LHPP: variants seen among roughly 807,000 people sequenced by gnomAD.
LHPP encodes the protein phospholysine phosphohistidine inorganic pyrophosphate phosphatase, also known as hLHPP.
A neutral mutation model predicts 30.3 loss-of-function variants in LHPP; 24 were observed. That is an observed-to-expected ratio of 0.79 (90% CI 0.57 to 1.11). LHPP has a LOEUF of 1.11. Ranked by LOEUF, LHPP falls within the 50% of genes most tolerant of loss-of-function variation. The probability of loss-of-function intolerance (pLI) is 0.00; values close to 1 mark genes in which losing one functional copy is unlikely to be tolerated. For missense variants in LHPP, 356 were observed against 367.2 expected, an observed-to-expected ratio of 0.97 and a Z score of 0.25; for synonymous variants, 150 against 157.1, an observed-to-expected ratio of 0.95 and a Z score of 0.34.
rs10901769 is a variant in LHPP, at chr10:124,575,742, G to A, written c.717-37522G>A. Among the ~76,000 whole-genome samples, 565 of 152,026 alleles carry A rather than the reference G, an allele frequency of 3.7e-3. 3 individuals carry two copies. Among genetic ancestry groups the A allele is most frequent in the Middle Eastern group, 0.01 (3 of 294 alleles). On this transcript the variant is annotated intron_variant, in intron 6 of 6. Transcript: ENST00000368842. ...CCTGGACCCACTGCCACTGCGTCAC[G>A]TGGTCGGATCTGTGTCCCCTGCACT...
chr10:124,573,504 T>A (rs990735347), intron 6 of LHPP, among the ~76,000 whole-genome samples: 18 of 152,268 alleles, frequency 1.2e-4, no homozygotes, highest in African/African-American at 3.4e-4. Flanking sequence ...AGAGACAGGG[T>A]CTCACTGTGT....
At chr10:124,484,760 G>A (rs974963424) in intron 2 of LHPP, among the ~76,000 whole-genome samples, 1 of 152,038 alleles carries the variant, frequency 6.6e-6, no homozygotes, top group African/African-American at 2.4e-5. Flanking sequence ...AGCTTCTAAC[G>A]TCTGGCACCA....
At chr10:124,594,920 C>T (rs894036288) in intron 6 of LHPP, among the ~76,000 whole-genome samples, 2 of 152,148 alleles carry the variant, frequency 1.3e-5, no homozygotes, top group African/African-American at 2.4e-5. Context: ...CATGAGCCAC[C>T]GCACCCAGCC....
chr10:124,605,037 G>C (rs1481997158), intron 6 of LHPP, among the ~76,000 whole-genome samples: 1 of 152,256 alleles, frequency 6.6e-6, no homozygotes, highest in African/African-American at 2.4e-5. Flanking sequence ...TGGCCTGCGT[G>C]TGCCCTGGAG....
At chr10:124,556,961 T>C (rs1039070153) in intron 6 of LHPP, among the ~76,000 whole-genome samples, 1 of 152,180 alleles carries the variant, frequency 6.6e-6, no homozygotes, top group Non-Finnish European at 1.5e-5. Flanking sequence ...TTCTTTTTTG[T>C]TCTCTAACCA....
In LHPP at chr10:124,613,581, T is replaced by G; in HGVS notation, c.*221T>G. ...TCTGCCCTGCATGGGCAGGCATTTG[T>G]TCCCTACCTGGGTGGCCTGCTCCCC... is the stretch of plus-strand genomic sequence containing the variant. On this transcript the variant is annotated 3_prime_UTR_variant, in exon 7 of 7. Transcript: ENST00000368842. 10 of 573,406 alleles carry G rather than the reference T, an allele frequency of 1.7e-5. No individual in the cohort carries two copies. The highest frequency in any genetic ancestry group is 2.9e-5 in the Admixed American group (1 of 34,762). The allele number at this position is 573,406 out of a possible 1,614,324, so 35.5% of individuals were successfully genotyped here.
chr10:124,587,088 G>A (rs1464046710), intron 6 of LHPP, among the ~76,000 whole-genome samples: 6 of 147,998 alleles, frequency 4.1e-5, no homozygotes, highest in Admixed American at 2.1e-4. Flanking sequence ...AGAGTGCAAC[G>A]GCACAATCTT....
rs1290013286 is a variant in LHPP, at chr10:124,596,489, T to C, written c.717-16775T>C. ...TCATTTCCTTCCTGAGGGGCCTGCA[T>C]GAATCCCTTTTAGGTGGAACACACA... is the stretch of plus-strand genomic sequence containing the variant. On this transcript the variant is annotated intron_variant, in intron 6 of 6. Coordinates refer to ENST00000368842, the MANE Select transcript of LHPP (RefSeq NM_022126.4). This position sits in a 1 kb window ranked among gnomAD's most constrained non-coding sequence, Gnocchi z 4.6. Among the ~76,000 whole-genome samples, 1 of 152,144 alleles carries C rather than the reference T, an allele frequency of 6.6e-6. No homozygotes were observed.
chr10:124,570,112 T>G (rs1048781556), intron 6 of LHPP, among the ~76,000 whole-genome samples: 1 of 152,180 alleles, frequency 6.6e-6, no homozygotes, highest in African/African-American at 2.4e-5. Flanking sequence ...AACAGGCAGA[T>G]CTGGCCAGTC....
chr10:124,522,626 C>T (rs1307807371), intron 6 of LHPP, among the ~76,000 whole-genome samples: 1 of 152,128 alleles, frequency 6.6e-6, no homozygotes, highest in African/African-American at 2.4e-5. Flanking sequence ...ATGTCCTGCC[C>T]TTGGGGCCAC....
At chr10:124,604,040 G>A (rs1177410921) in intron 6 of LHPP, among the ~76,000 whole-genome samples, 1 of 152,238 alleles carries the variant, frequency 6.6e-6, no homozygotes, top group African/African-American at 2.4e-5. Flanking sequence ...CCCAGGTCCT[G>A]GGAGAAGAGG....
At chr10:124,572,077 G>A (rs1948591811) in intron 6 of LHPP, among the ~76,000 whole-genome samples, 1 of 152,208 alleles carries the variant, frequency 6.6e-6, no homozygotes. Flanking sequence ...GGTAGGGGAA[G>A]CATTGGCAGG....
chr10:124,514,003 C>G (rs913961053), intron 5 of LHPP, among the ~76,000 whole-genome samples: 1 of 152,174 alleles, frequency 6.6e-6, no homozygotes, highest in Non-Finnish European at 1.5e-5. Flanking sequence ...CTCAGCTGCT[C>G]AAGACACATT....
At chr10:124,543,127 C>T (rs1955242236) in intron 6 of LHPP, among the ~76,000 whole-genome samples, 1 of 152,232 alleles carries the variant, frequency 6.6e-6, no homozygotes, top group Admixed American at 6.5e-5. Context: ...TGGACAGGGC[C>T]TTGTCCGAGG....
intron 6 of LHPP, among the ~76,000 whole-genome samples, chr10:124,600,432 C>G (rs1343827272): frequency 6.6e-6 from 1 of 152,250 alleles, no homozygotes; most frequent in African/African-American, 2.4e-5. Flanking sequence ...AGGGCTGGCT[C>G]GATCTGGGTG....
intron 5 of LHPP, among the ~76,000 whole-genome samples, chr10:124,503,738 T>G (rs1280943966): frequency 6.6e-6 from 1 of 151,784 alleles, no homozygotes; most frequent in African/African-American, 2.4e-5. Flanking sequence ...GCTATAAATA[T>G]TTTATAAATA....
chr10:124,572,252 G>C (rs912995624), intron 6 of LHPP, among the ~76,000 whole-genome samples: 1 of 152,214 alleles, frequency 6.6e-6, no homozygotes, highest in Non-Finnish European at 1.5e-5. Flanking sequence ...GCAGAGCAGG[G>C]GGACTGCTCA....
At chr10:124,521,609 T>A (rs1355112911) in intron 6 of LHPP, among the ~76,000 whole-genome samples, 15 of 151,848 alleles carry the variant, frequency 9.9e-5, no homozygotes. Context: ...GGGGTGGCCT[T>A]GTCCTGGGCC....
At chr10:124,469,964 G>A (rs1021966351) in intron 1 of LHPP, among the ~76,000 whole-genome samples, 2 of 152,192 alleles carry the variant, frequency 1.3e-5, no homozygotes, top group African/African-American at 2.4e-5. Context: ...AGATGAAGGA[G>A]CAGGAGGCCC....
Sources: gnomAD v4.1 joint callset for allele counts (sites outside exome capture counted in the v4.1 genomes callset) on GRCh38, gnomAD v4.1.1 for gene constraint, Gnocchi (gnomAD v3.1) non-coding constraint, MANE v1.5 for transcripts, NCBI Gene and HGNC (gene_info 2026-07-23, HGNC 2026-07-21) for gene names.